SPATA17: variants seen among roughly 807,000 people sequenced by gnomAD.
The protein encoded by SPATA17 is spermatogenesis-associated protein 17.
In SPATA17, 53 loss-of-function variants were observed where a neutral mutation model predicts 62.2. The ratio of observed to expected loss-of-function variants is 0.85; its 90% CI spans 0.68 to 1.07. The LOEUF is 1.07. SPATA17 is among the 50% of genes least tolerant of loss of function. The probability of loss-of-function intolerance (pLI) is 0.00; values close to 1 mark genes in which losing one functional copy is unlikely to be tolerated. For missense variants in SPATA17, 466 were observed against 425.5 expected (o/e 1.10, Z -0.84); for synonymous variants, 146 against 146.8 (o/e 0.99, Z 0.04).
At chr1:217,703,792 C>A (rs1012294906) in intron 5 of SPATA17, among the ~76,000 whole-genome samples, 8 of 152,086 alleles carry the variant, frequency 5.3e-5, no homozygotes, top group African/African-American at 1.9e-4. Flanking sequence ...TTTAACTTTT[C>A]TTTCTAGTCA....
intron 8 of SPATA17, among the ~76,000 whole-genome samples, chr1:217,787,010 G>A (rs1673888398): frequency 6.6e-6 from 1 of 151,918 alleles, no homozygotes. Context: ...CTTTTCTTGA[G>A]TGTGAATTGC....
chr1:217,784,596 C>G (rs1290781140), intron 8 of SPATA17, among the ~76,000 whole-genome samples: 1 of 152,074 alleles, frequency 6.6e-6, no homozygotes, highest in Non-Finnish European at 1.5e-5. Flanking sequence ...GAAATGTTAC[C>G]TTAAAAGGTT....
intron 1 of SPATA17, among the ~76,000 whole-genome samples, chr1:217,636,131 C>CAA (rs397982927): frequency 0.37 from 36,947 of 101,128 alleles, 8,286 homozygotes; most frequent in Non-Finnish European, 0.42. Flanking sequence ...GACTCCGTCT[C>CAA]AAAAAAAAAA....
At chr1:217,677,500 G>A (rs541191585) in intron 4 of SPATA17, among the ~76,000 whole-genome samples, 5 of 151,894 alleles carry the variant, frequency 3.3e-5, no homozygotes, top group African/African-American at 4.8e-5. Flanking sequence ...AAAAGGATAC[G>A]GAAGGTCTTT....
intron 9 of SPATA17, among the ~76,000 whole-genome samples, chr1:217,845,369 T>G (rs1017460986): frequency 6.6e-5 from 10 of 152,090 alleles, no homozygotes; most frequent in African/African-American, 2.4e-4. Flanking sequence ...CGAAGCCTCT[T>G]TCTAGGCTCC....
chr1:217,794,402 A>G lies in SPATA17; in HGVS notation c.873-7316A>G, dbSNP rs1674084193. On this transcript the variant is annotated intron_variant, in intron 8 of 10. Transcript: ENST00000366933. ...TTGGTGATCTCATACAAAAGCTTGC[A>G]CAGTAATTTAAGATTTAATTTATCT... Among the ~76,000 whole-genome samples the G allele has an allele frequency of 1.3e-5, 2 of 152,212 alleles. 1 individual carries two copies. The highest frequency in any genetic ancestry group is 4.1e-4 in the South Asian group (2 of 4,832).
At chr1:217,679,733 G>A (rs1424847216) in intron 4 of SPATA17, among the ~76,000 whole-genome samples, 1 of 152,190 alleles carries the variant, frequency 6.6e-6, no homozygotes, top group Non-Finnish European at 1.5e-5. Flanking sequence ...CATACCAGTT[G>A]TAGTCTCTCT....
At chr1:217,813,338 AGT>A (rs932081865) in intron 9 of SPATA17, among the ~76,000 whole-genome samples, 1 of 152,214 alleles carries the variant, frequency 6.6e-6, no homozygotes, top group African/African-American at 2.4e-5. Flanking sequence ...GTGCAAGTGC[AGT>A]GTGTGGGGAT....
chr1:217,649,725 CTT>C (rs1389505471), intron 2 of SPATA17, among the ~76,000 whole-genome samples: 1 of 138,612 alleles, frequency 7.2e-6, no homozygotes, highest in African/African-American at 2.8e-5. Context: ...TATCTTAACT[CTT>C]TCTCACTTTT....
At chr1:217,741,279 TA>T (rs1672619885) in intron 5 of SPATA17, among the ~76,000 whole-genome samples, 1 of 152,140 alleles carries the variant, frequency 6.6e-6, no homozygotes, top group South Asian at 2.1e-4. Context: ...ATAGTATACT[TA>T]AAAGCTTATT....
intron 4 of SPATA17, among the ~76,000 whole-genome samples, chr1:217,672,903 T>C (rs1027637495): frequency 1.3e-5 from 2 of 152,154 alleles, no homozygotes; most frequent in African/African-American, 4.8e-5. Flanking sequence ...ATAAGTCTCA[T>C]GCGGCCCAGA....
chr1:217,725,084 T>A (rs1333149387), intron 5 of SPATA17, among the ~76,000 whole-genome samples: 10 of 152,210 alleles, frequency 6.6e-5, no homozygotes, highest in Admixed American at 6.5e-4. Flanking sequence ...ATTTTAGAGT[T>A]ACTTTTGTCA....
At chr1:217,753,258 G>A (rs1672958822) in intron 6 of SPATA17, among the ~76,000 whole-genome samples, 1 of 152,148 alleles carries the variant, frequency 6.6e-6, no homozygotes, top group Non-Finnish European at 1.5e-5. Context: ...TCACCTCTGA[G>A]TGGACTCCAT....
chr1:217,708,121 T>A (rs576410194), intron 5 of SPATA17, among the ~76,000 whole-genome samples: 1 of 152,160 alleles, frequency 6.6e-6, no homozygotes, highest in South Asian at 2.1e-4. Context: ...CCCAAATTAA[T>A]AACCTCAGAT....
chr1:217,817,393 A>C (rs946396152), intron 9 of SPATA17, among the ~76,000 whole-genome samples: 1 of 152,020 alleles, frequency 6.6e-6, no homozygotes, highest in Non-Finnish European at 1.5e-5. Context: ...TTTCCCCTTC[A>C]TTCAGCTCTC....
chr1:217,685,157 C>A (rs890731744), intron 5 of SPATA17, among the ~76,000 whole-genome samples: 3 of 152,028 alleles, frequency 2.0e-5, no homozygotes, highest in African/African-American at 7.2e-5. Flanking sequence ...ACAAGTGAGA[C>A]TTTTAAGGGA....
At chr1:217,735,414 G>A (rs1202920304) in intron 5 of SPATA17, among the ~76,000 whole-genome samples, 2 of 152,052 alleles carry the variant, frequency 1.3e-5, no homozygotes, top group African/African-American at 4.8e-5. Flanking sequence ...CCCATTCAAT[G>A]GGGGATCCAC....
At chr1:217,860,389 G>T (rs1256572925) in intron 9 of SPATA17, among the ~76,000 whole-genome samples, 3 of 152,100 alleles carry the variant, frequency 2.0e-5, no homozygotes, top group African/African-American at 7.2e-5. Context: ...GTTGGATTAA[G>T]CAGTCTATAG....
intron 5 of SPATA17, among the ~76,000 whole-genome samples, chr1:217,717,068 G>C (rs1386248547): frequency 6.6e-6 from 1 of 152,078 alleles, no homozygotes; most frequent in Non-Finnish European, 1.5e-5. Flanking sequence ...AAGTTCTATT[G>C]GTCATATTTC....
Sources: gnomAD v4.1 joint callset for allele counts (sites outside exome capture counted in the v4.1 genomes callset) on GRCh38, gnomAD v4.1.1 for gene constraint, MANE v1.5 for transcripts, NCBI Gene and HGNC (gene_info 2026-07-23, HGNC 2026-07-21) for gene names.